KLF13: variants seen among roughly 807,000 people sequenced by gnomAD.
KLF13 encodes Krueppel-like factor 13.
A neutral mutation model predicts 16.7 loss-of-function variants in KLF13; 8 were observed. The observed-to-expected ratio is 0.48, with a 90% CI of 0.28 to 0.87. The LOEUF is 0.87. Among genes scored for constraint, KLF13 ranks in the 40% least tolerant of loss-of-function variants. The probability of loss-of-function intolerance (pLI) is 0.10; values close to 1 mark genes in which losing one functional copy is unlikely to be tolerated. For synonymous variants in KLF13, 245 were observed against 208.4 expected, an observed-to-expected ratio of 1.18 and a Z score of -1.51; for missense variants, 447 against 452.2, an observed-to-expected ratio of 0.99 and a Z score of 0.10.
At chr15:31,332,837 T>C (rs4779516) in intron 1 of KLF13, among the ~76,000 whole-genome samples, 61,562 of 151,978 alleles carry the variant, frequency 0.41, 13,578 homozygotes, top group South Asian at 0.6. Context: ...AGTGTGTGTG[T>C]TTAAATGGGT....
chr15:31,429,647 A>G (rs2040445176), intron 1 of KLF13, among the ~76,000 whole-genome samples: 1 of 152,194 alleles, frequency 6.6e-6, no homozygotes, highest in South Asian at 2.1e-4. Flanking sequence ...TATCTGTAGA[A>G]GAAAATACAG....
intron 1 of KLF13, chr15:31,420,048 G>A: frequency 3.4e-6 from 1 of 294,148 alleles, no homozygotes; most frequent in Non-Finnish European, 6.7e-6. Context: ...TCAAAGTGCT[G>A]GAAGAAAAAA....
intron 1 of KLF13, among the ~76,000 whole-genome samples, chr15:31,338,684 A>G (rs1241044857): frequency 6.6e-6 from 1 of 152,086 alleles, no homozygotes; most frequent in Non-Finnish European, 1.5e-5. Context: ...ATCTTGGGCC[A>G]TTCTGCCCCC....
chr15:31,406,054 A>C (rs1402785483), downstream of KLF13, among the ~76,000 whole-genome samples: 3 of 152,224 alleles, frequency 2.0e-5, no homozygotes, highest in Non-Finnish European at 2.9e-5. Context: ...GTGATGATAA[A>C]AATTAAAAAC....
intron 1 of KLF13, among the ~76,000 whole-genome samples, chr15:31,338,479 ATGTT>A (rs1206342109): frequency 6.6e-6 from 1 of 152,220 alleles, no homozygotes; most frequent in Non-Finnish European, 1.5e-5. Flanking sequence ...CTGCAGCACA[ATGTT>A]TGTTTCTCCC....
downstream of KLF13, chr15:31,404,804 G>C (rs1487616090): frequency 6.6e-6 from 1 of 152,426 alleles, no homozygotes; most frequent in Non-Finnish European, 1.5e-5. Flanking sequence ...CTTGCGGTCA[G>C]CGAGACCACG....
chr15:31,402,259 C>T (rs2040048393), intron 2 of KLF13, among the ~76,000 whole-genome samples: 1 of 152,166 alleles, frequency 6.6e-6, no homozygotes. Flanking sequence ...AGAAGATGTG[C>T]CCCCGCCAGC....
intron 1 of KLF13, among the ~76,000 whole-genome samples, chr15:31,364,577 G>A (rs950080333): frequency 6.6e-6 from 1 of 152,236 alleles, no homozygotes; most frequent in Non-Finnish European, 1.5e-5. Context: ...TGTGCCCCAC[G>A]TATTCTCCCA....
chr15:31,367,583 G>A (rs1351821672), intron 1 of KLF13, among the ~76,000 whole-genome samples: 1 of 152,180 alleles, frequency 6.6e-6, no homozygotes, highest in Non-Finnish European at 1.5e-5. Context: ...CAGCCTGCAG[G>A]CAGAAGAAGC....
In KLF13 at chr15:31,327,713, C is replaced by G; in HGVS notation, c.501C>G (p.His167Gln). ...RADLESPQRK[H>Q]KCHYAGCEKV... Reference sequence around the variant, plus strand: ...ACCTCGAGTCCCCGCAGAGGAAGCACAAGTGCCACTACGCGGGCTGCGAGA... The same window carrying G: ...ACCTCGAGTCCCCGCAGAGGAAGCAGAAGTGCCACTACGCGGGCTGCGAGA... The change falls in exon 1 of 2, where the codon CAC becomes CAG. Residue 167 changes from histidine to glutamine, a missense_variant. His to Gln is a conservative substitution (Grantham distance 24). Around this residue, in one of 2 missense-constraint regions of KLF13, gnomAD observed 359 missense variants for 282.8 expected, o/e 1.27. Coordinates refer to ENST00000307145, the MANE Select transcript of KLF13 (RefSeq NM_015995.4). The G allele has an allele frequency of 1.3e-6, 2 of 1,539,170 alleles. No individual in the cohort carries two copies. The highest frequency in any genetic ancestry group is 1.8e-6 in the Non-Finnish European group (2 of 1,139,412).
At chr15:31,330,044 C>A (rs923850100) in intron 1 of KLF13, among the ~76,000 whole-genome samples, 5 of 152,102 alleles carry the variant, frequency 3.3e-5, no homozygotes, top group African/African-American at 1.2e-4. Context: ...TGGAGGGCAC[C>A]CCTGGGAAGC....
intron 1 of KLF13, among the ~76,000 whole-genome samples, chr15:31,362,687 G>A (rs905392412): frequency 2.0e-5 from 3 of 152,170 alleles, no homozygotes; most frequent in African/African-American, 7.2e-5. Flanking sequence ...TTTCCCCAGG[G>A]AAAATTCTGT....
At chr15:31,433,355 C>T (rs755424269) in intron 1 of KLF13, among the ~76,000 whole-genome samples, 10 of 152,226 alleles carry the variant, frequency 6.6e-5, no homozygotes, top group Middle Eastern at 6.8e-3. Context: ...GGTGAATAAC[C>T]GAGGAGTCCC....
chr15:31,344,156 G>C (rs551214131), intron 1 of KLF13, among the ~76,000 whole-genome samples: 1 of 152,278 alleles, frequency 6.6e-6, no homozygotes, highest in South Asian at 2.1e-4. Flanking sequence ...ACACCACCCT[G>C]AGCCTGTCAC....
intron 1 of KLF13, among the ~76,000 whole-genome samples, chr15:31,412,450 G>A (rs970288195): frequency 7.3e-5 from 11 of 151,480 alleles, no homozygotes; most frequent in East Asian, 5.8e-4. Flanking sequence ...TTGTACATGC[G>A]GAAAAGTCCA....
chr15:31,406,243 A>G (rs535435953), downstream of KLF13, among the ~76,000 whole-genome samples: 9 of 152,150 alleles, frequency 5.9e-5, no homozygotes, highest in Non-Finnish European at 1.3e-4. Flanking sequence ...TTGGGAGGCC[A>G]AGGCAGGCGG....
chr15:31,402,111 G>A (rs894902648), intron 2 of KLF13, among the ~76,000 whole-genome samples: 1 of 152,238 alleles, frequency 6.6e-6, no homozygotes, highest in African/African-American at 2.4e-5. Context: ...GACACTGCAT[G>A]TCCAGGACAC....
At chr15:31,409,907 T>C (rs894849552) in intron 1 of KLF13, among the ~76,000 whole-genome samples, 3 of 152,142 alleles carry the variant, frequency 2.0e-5, no homozygotes, top group African/African-American at 7.2e-5. Context: ...AAAAATACGA[T>C]ACCAACAGAA....
intron 1 of KLF13, among the ~76,000 whole-genome samples, chr15:31,418,369 A>T (rs1217247899): frequency 6.6e-6 from 1 of 152,214 alleles, no homozygotes; most frequent in Non-Finnish European, 1.5e-5. Flanking sequence ...AGTGAAAGAC[A>T]CAGGGATGAC....
Sources: gnomAD v4.1 joint callset for allele counts (sites outside exome capture counted in the v4.1 genomes callset) on GRCh38, gnomAD v4.1.1 for gene constraint, gnomAD v4.1.1 regional missense constraint, MANE v1.5 for transcripts, NCBI Gene and HGNC (gene_info 2026-07-23, HGNC 2026-07-21) for gene names.